SFSWAP: variants seen among roughly 807,000 people sequenced by gnomAD.
SFSWAP encodes splicing factor SWAP, also known as splicing factor, suppressor of white-apricot homolog.
Under a neutral mutation model 100.7 loss-of-function variants are expected in SFSWAP, and 17 were observed. The observed-to-expected ratio is 0.17, with a 90% CI of 0.12 to 0.25. The LOEUF is 0.25. SFSWAP is among the 10% of genes least tolerant of loss of function. SFSWAP has a pLI of 1.00. For synonymous variants in SFSWAP, 504 were observed against 510.1 expected (o/e 0.99, Z 0.16); for missense variants, 1,005 against 1,262.6 (o/e 0.80, Z 3.09).
intron 13 of SFSWAP, among the ~76,000 whole-genome samples, chr12:131,766,554 C>G (rs1437720312): frequency 6.6e-6 from 1 of 152,240 alleles, no homozygotes; most frequent in Non-Finnish European, 1.5e-5. Context: ...AGGGGAGCCT[C>G]TGCTTCACGG....
Position 131,711,218 on chromosome 12 carries a change from G to A in SFSWAP, c.-12G>A, listed in dbSNP as rs572093593. 5.1e-6 allele frequency: 8 copies of A among 1,580,150 alleles called. No homozygotes were observed. Among genetic ancestry groups the A allele is most frequent in the African/African-American group, 2.7e-5 (2 of 74,368 alleles). On this transcript the variant is annotated 5_prime_UTR_variant, in exon 1 of 18. Transcript: ENST00000261674. The surrounding 1 kb of genome is among the most constrained non-coding windows in gnomAD (Gnocchi z 4.9). ...ACAGAAGAGGACCAGCCTGGACGCC[G>A]GGGACGCTGTCATGTACGGCGCGAG...
intron 7 of SFSWAP, among the ~76,000 whole-genome samples, chr12:131,736,685 G>A (rs1490027578): frequency 2.0e-5 from 3 of 151,224 alleles, no homozygotes; most frequent in Non-Finnish European, 2.9e-5. Flanking sequence ...AGAAAGGAGC[G>A]CACTCATAGG....
chr12:131,751,961 G>GTT (rs1881696386), intron 7 of SFSWAP, among the ~76,000 whole-genome samples: 1 of 152,226 alleles, frequency 6.6e-6, no homozygotes, highest in East Asian at 1.9e-4. Context: ...ATGGTGGTTG[G>GTT]TGTGTAACAT....
chr12:131,744,886 G>A (rs1473877617), intron 7 of SFSWAP, among the ~76,000 whole-genome samples: 2 of 152,222 alleles, frequency 1.3e-5, no homozygotes, highest in Non-Finnish European at 2.9e-5. Flanking sequence ...AGCAGGCAAA[G>A]AGAGGCTGTA....
At chr12:131,756,859 T>G (rs1882224815) in intron 11 of SFSWAP, 9 of 548,222 alleles carry the variant, frequency 1.6e-5, no homozygotes, top group African/African-American at 3.8e-5. Context: ...AGCCCTTAGG[T>G]ATGTGTCTGT....
In SFSWAP at chr12:131,714,529, A is replaced by G. The variant is rs1354002195; in HGVS notation, c.388+289A>G. ...TAACAGTATCGTATAAATAAAATTG[A>G]TGTTCTTGTCTTTGCCGTAACAGTC... On this transcript the variant is annotated intron_variant, in intron 2 of 17. Coordinates refer to ENST00000261674, the MANE Select transcript of SFSWAP (RefSeq NM_004592.4). The surrounding 1 kb of genome is among the most constrained non-coding windows in gnomAD (Gnocchi z 6.0). 6.2e-6 allele frequency: 3 copies of G among 485,324 alleles called. No individual in the cohort carries two copies. The highest frequency in any genetic ancestry group is 1.1e-5 in the Non-Finnish European group (3 of 273,014). The allele number at this position is 485,324 out of a possible 1,614,324, so 30.1% of individuals were successfully genotyped here. A position where few individuals can be genotyped will look rare whatever the true frequency, so the allele number is the denominator to read the frequency against.
At chr12:131,783,336 G>A (rs1371030191) in intron 14 of SFSWAP, 1 of 152,140 alleles carries the variant, frequency 6.6e-6, no homozygotes, top group Non-Finnish European at 1.5e-5. Context: ...GTATCAGCTT[G>A]AAACTAAGTT....
chr12:131,799,171 GT>G (rs1885891870), intron 17 of SFSWAP, 62 bp downstream of exon 17: 2 of 1,368,170 alleles, frequency 1.5e-6, no homozygotes, highest in South Asian at 2.4e-5. Context: ...TGGTTTCTCT[GT>G]TGCTAATTTT....
At chr12:131,718,668 G>C (rs1878160318) in intron 3 of SFSWAP, among the ~76,000 whole-genome samples, 1 of 152,238 alleles carries the variant, frequency 6.6e-6, no homozygotes, top group Admixed American at 6.5e-5. Context: ...ATGAAAATCA[G>C]TTATCTAGGA....
intron 15 of SFSWAP, among the ~76,000 whole-genome samples, chr12:131,787,478 G>C (rs1286127417): frequency 1.3e-5 from 2 of 152,210 alleles, no homozygotes; most frequent in African/African-American, 4.8e-5. Context: ...AGCACAAGGA[G>C]CTTGTTTTGT....
intron 13 of SFSWAP, among the ~76,000 whole-genome samples, chr12:131,769,946 A>C (rs1883450647): frequency 6.6e-6 from 1 of 152,194 alleles, no homozygotes; most frequent in Non-Finnish European, 1.5e-5. Context: ...CGTTTAAATC[A>C]CTAGGATGCT....
intron 3 of SFSWAP, among the ~76,000 whole-genome samples, chr12:131,716,147 G>A (rs1231393966): frequency 1.3e-5 from 2 of 152,202 alleles, no homozygotes; most frequent in Non-Finnish European, 2.9e-5. Context: ...ATGATAGGAC[G>A]TGGGGCAAAC....
Position 131,733,441 on chromosome 12 carries a change from C to T in SFSWAP, c.1081+5013C>T, listed in dbSNP as rs936880648. On this transcript the variant is annotated intron_variant, in intron 7 of 17. Transcript: ENST00000261674. This position sits in a 1 kb window ranked among gnomAD's most constrained non-coding sequence, Gnocchi z 5.1. ...GAGGAAATTTCACGATCATAAAGCA[C>T]GGCATGCATCCTGAGAGCCAGGCAG... is the stretch of plus-strand genomic sequence containing the variant. Among the ~76,000 whole-genome samples the T allele has an allele frequency of 2.6e-5, 4 of 152,162 alleles. No homozygotes were observed. The highest frequency in any genetic ancestry group is 5.9e-5 in the Non-Finnish European group (4 of 68,028).
At chr12:131,712,036 C>A (rs1877411016) in intron 1 of SFSWAP, 1 of 152,696 alleles carries the variant, frequency 6.5e-6, no homozygotes. Flanking sequence ...CGGTGATAAT[C>A]CGACGAGTTT....
At chr12:131,745,430 G>A (rs192002805) in intron 7 of SFSWAP, among the ~76,000 whole-genome samples, 235 of 152,256 alleles carry the variant, frequency 1.5e-3, no homozygotes, top group Admixed American at 2.9e-3. Context: ...GAGTTTCTCC[G>A]CCCTGATTTC....
chr12:131,781,404 A>AT (rs1219084575), intron 14 of SFSWAP, among the ~76,000 whole-genome samples: 73 of 151,700 alleles, frequency 4.8e-4, no homozygotes, highest in Middle Eastern at 6.8e-3. Flanking sequence ...CGCCCGGCTA[A>AT]TTTTTTGTAT....
Position 131,799,018 on chromosome 12 carries a change from C to T in SFSWAP, c.2718-19C>T, listed in dbSNP as rs754251668. 1 of 1,580,788 alleles carries T rather than the reference C, an allele frequency of 6.3e-7. No homozygotes were observed. Among genetic ancestry groups the T allele is most frequent in the Non-Finnish European group, 8.7e-7 (1 of 1,150,884 alleles). On this transcript the variant is annotated intron_variant, in intron 16 of 17. Transcript: ENST00000261674. ...TCTTCACACGGTTGTAAGCTCTGCT[C>T]TCTCTCTCTCTGCATTAGGGGAGTC...
chr12:131,798,647 T>C (rs957570198), intron 16 of SFSWAP, among the ~76,000 whole-genome samples: 3 of 152,212 alleles, frequency 2.0e-5, no homozygotes, highest in Non-Finnish European at 2.9e-5. Flanking sequence ...CCCAGCACTT[T>C]GGGAGGCCAA....
intron 14 of SFSWAP, among the ~76,000 whole-genome samples, chr12:131,780,380 A>G (rs1156287618): frequency 3.3e-5 from 5 of 152,234 alleles, no homozygotes; most frequent in East Asian, 1.9e-4. Flanking sequence ...GCCAGGCACA[A>G]TGGCTCACAC....
Sources: gnomAD v4.1 joint callset for allele counts (sites outside exome capture counted in the v4.1 genomes callset) on GRCh38, gnomAD v4.1.1 for gene constraint, Gnocchi (gnomAD v3.1) non-coding constraint, MANE v1.5 for transcripts, NCBI Gene and HGNC (gene_info 2026-07-23, HGNC 2026-07-21) for gene names.